The following ZNF384 variants were observed in gnomAD, a reference collection of about 807,000 sequenced individuals.
The protein encoded by ZNF384 is zinc finger protein 384.
A neutral mutation model predicts 65.0 loss-of-function variants in ZNF384; 20 were observed. The observed-to-expected ratio is 0.31, with a 90% CI of 0.22 to 0.45. ZNF384 has a LOEUF of 0.45. ZNF384 is among the 20% of genes least tolerant of loss of function. ZNF384 has a pLI of 1.00. For synonymous variants in ZNF384, 310 were observed against 303.9 expected, an observed-to-expected ratio of 1.02 and a Z score of -0.21; for missense variants, 549 against 769.4, an observed-to-expected ratio of 0.71 and a Z score of 3.39.
Position 6,672,618 on chromosome 12 carries a change from C to T in ZNF384, c.1005-86G>A. On this transcript the variant is annotated intron_variant, in intron 8 of 11. Transcript: ENST00000683879. This position sits in a 1 kb window ranked among gnomAD's most constrained non-coding sequence, Gnocchi z 4.4. ...CTCTCTGCTGGGTGAAATGACGTTGCTTGACGGATGAGAGCACCCCCTTCC... is the reference window on the plus strand; with the variant it reads ...CTCTCTGCTGGGTGAAATGACGTTGTTTGACGGATGAGAGCACCCCCTTCC... 2 of 1,384,688 alleles carry T rather than the reference C, an allele frequency of 1.4e-6. No homozygotes were observed. The highest frequency in any genetic ancestry group is 2.0e-6 in the Non-Finnish European group (2 of 1,005,088). The allele number at this position is 1,384,688 out of a possible 1,614,324, so 85.8% of individuals were successfully genotyped here.
At chr12:6,682,314 C>A (rs1272194690) in intron 2 of ZNF384, among the ~76,000 whole-genome samples, 1 of 143,830 alleles carries the variant, frequency 7.0e-6, no homozygotes, top group African/African-American at 2.6e-5. Flanking sequence ...AGCAAGACCC[C>A]AACTCCAAAA....
intron 10 of ZNF384, 133 bp downstream of exon 10, chr12:6,670,626 TA>T: frequency 1.3e-6 from 1 of 792,040 alleles, no homozygotes; most frequent in Non-Finnish European, 2.1e-6. Context: ...ATTACCCACA[TA>T]AACAAAAACT....
At chr12:6,669,262 G>A (rs1950589120) in intron 10 of ZNF384, 73 bp from the exon 11 acceptor site, 4 of 1,472,504 alleles carry the variant, frequency 2.7e-6, no homozygotes, top group Admixed American at 2.2e-5. Context: ...TCGATGGAAA[G>A]CAAAAAGGTA....
Position 6,672,260 on chromosome 12 carries a change from C to T in ZNF384, c.1187+90G>A. ...CCTCCAGCCAGGTCTCTCCCCCGCC[C>T]CCCGCATGCGGGTTGTTGTGTGTGT... On this transcript the variant is annotated intron_variant, in intron 9 of 11. Transcript: ENST00000683879. The surrounding 1 kb of genome is among the most constrained non-coding windows in gnomAD (Gnocchi z 4.4). 1 of 1,412,098 alleles carries T rather than the reference C, an allele frequency of 7.1e-7. No homozygotes were observed. 87.5% of individuals were successfully genotyped at this position (1,412,098 alleles called of 1,614,324 possible).
At chr12:6,674,863 AG>A (rs1952902262) in intron 7 of ZNF384, among the ~76,000 whole-genome samples, 1 of 152,252 alleles carries the variant, frequency 6.6e-6, no homozygotes, top group South Asian at 2.1e-4. Context: ...CTTAAGCCTT[AG>A]TGCTGATGGA....
Position 6,673,137 on chromosome 12 carries a change from G to T in ZNF384, c.1004+79C>A, listed in dbSNP as rs1952151476. On this transcript the variant is annotated intron_variant, in intron 8 of 11. Coordinates refer to ENST00000683879, the MANE Select transcript of ZNF384 (RefSeq NM_001385745.1). This position sits in a 1 kb window ranked among gnomAD's most constrained non-coding sequence, Gnocchi z 4.7. ...AGGTGAAAGGGAAAGAATAATACAT[G>T]TGGAGAGAGGAGTAGGTGCAGGCAA... 22 of 1,286,100 alleles carry T rather than the reference G, an allele frequency of 1.7e-5. 1 individual carries two copies. The South Asian group carries it at 2.7e-4, about 16-fold the overall frequency. 79.7% of individuals were successfully genotyped at this position (1,286,100 alleles called of 1,614,324 possible).
intron 2 of ZNF384, among the ~76,000 whole-genome samples, chr12:6,687,358 G>A (rs895724802): frequency 2.0e-5 from 3 of 152,098 alleles, no homozygotes; most frequent in African/African-American, 7.2e-5. Context: ...GGTTCTCCTT[G>A]CCCTGTCTGT....
chr12:6,688,988 A>G (rs1004266218), intron 1 of ZNF384, 110 bp downstream of exon 1: 5 of 152,024 alleles, frequency 3.3e-5, no homozygotes, highest in African/African-American at 1.2e-4. Context: ...CGGGACGGAC[A>G]CACACACAGT....
intron 7 of ZNF384, among the ~76,000 whole-genome samples, chr12:6,675,897 A>C (rs1011441163): frequency 3.3e-5 from 5 of 152,208 alleles, no homozygotes; most frequent in Admixed American, 2.6e-4. Flanking sequence ...CGTTGACTTG[A>C]CCAGAGTAAC....
intron 2 of ZNF384, 45 bp from the exon 3 acceptor site, chr12:6,679,570 GAAAA>G: frequency 6.6e-7 from 1 of 1,517,394 alleles, no homozygotes; most frequent in Non-Finnish European, 9.1e-7. Flanking sequence ...GAATTACTCA[GAAAA>G]AGCTAAGCAA....
intron 7 of ZNF384, among the ~76,000 whole-genome samples, chr12:6,674,584 T>C (rs1952775175): frequency 6.6e-6 from 1 of 152,180 alleles, no homozygotes; most frequent in Non-Finnish European, 1.5e-5. Flanking sequence ...ACCAGCTTAT[T>C]GATCCCTGGC....
At chr12:6,687,343 A>C (rs1354651637) in intron 2 of ZNF384, among the ~76,000 whole-genome samples, 1 of 152,172 alleles carries the variant, frequency 6.6e-6, no homozygotes, top group Non-Finnish European at 1.5e-5. Flanking sequence ...GAGGGACGGC[A>C]CGGTGGTTCT....
rs368629758 is a variant in ZNF384 at position 6,672,504 on chromosome 12, T to C, written c.1033A>G (p.Ile345Val). 39 of 1,613,810 alleles carry C rather than the reference T, an allele frequency of 2.4e-5. No individual in the cohort carries two copies. The highest frequency in any genetic ancestry group is 1.3e-4 in the African/African-American group (10 of 74,824). ...RIHSKMHTETIKPHKCPHCSK... is the reference protein window; with the variant it reads ...RIHSKMHTETVKPHKCPHCSK... ...CAGTGCGGGCACTTGTGGGGCTTGA[T>C]GGTCTCCGTGTGCATCTTGGAGTGG... Residue 345 changes from isoleucine to valine, a missense_variant, in exon 9 of 12, where the codon ATC becomes GTC. Ile to Val is a conservative substitution (Grantham distance 29). Coordinates refer to ENST00000683879, the MANE Select transcript of ZNF384 (RefSeq NM_001385745.1). This position sits in a 1 kb window ranked among gnomAD's most constrained non-coding sequence, Gnocchi z 4.4.
At position 6,673,375 on chromosome 12, in the gene ZNF384, G is replaced by T. The variant is rs189033097; in HGVS notation, c.845C>A (p.Thr282Asn). Reference protein sequence around the residue: ...SEMQIHSKSHTETKPHKCPHC... With the variant: ...SEMQIHSKSHNETKPHKCPHC... Reference sequence around the variant, plus strand: ...TGGGCACTTGTGGGGCTTGGTCTCGGTGTGTGACTTGGAGTGGATCTGCAT... The same window carrying T: ...TGGGCACTTGTGGGGCTTGGTCTCGTTGTGTGACTTGGAGTGGATCTGCAT... Residue 282 changes from threonine (T) to asparagine (N), a missense_variant, in exon 8 of 12, where the codon ACC becomes AAC. By Grantham distance (65) the Thr-to-Asn change is moderately conservative (BLOSUM62 0). Transcript: ENST00000683879. This position sits in a 1 kb window ranked among gnomAD's most constrained non-coding sequence, Gnocchi z 4.7. 1.2e-6 allele frequency: 2 copies of T among 1,614,126 alleles called. No homozygotes were observed. Among genetic ancestry groups the T allele is most frequent in the Non-Finnish European group, 1.7e-6 (2 of 1,180,020 alleles).
At chr12:6,674,338 A>G (rs982144543) in intron 7 of ZNF384, among the ~76,000 whole-genome samples, 3 of 152,214 alleles carry the variant, frequency 2.0e-5, no homozygotes, top group African/African-American at 7.2e-5. Flanking sequence ...GAGGCCTCTG[A>G]GCAAGTTAAG....
chr12:6,682,319 C>CCAAAA (rs55997836), intron 2 of ZNF384, among the ~76,000 whole-genome samples: 12,777 of 140,558 alleles, frequency 0.091, 646 homozygotes, highest in Middle Eastern at 0.17. Context: ...GACCCCAACT[C>CCAAAA]CAAAACAAAA....
chr12:6,670,057 G>A (rs7980637), intron 10 of ZNF384, among the ~76,000 whole-genome samples: 1 of 152,038 alleles, frequency 6.6e-6, no homozygotes, highest in Non-Finnish European at 1.5e-5. Context: ...CCCTTACAGA[G>A]GTTACATGAT....
chr12:6,684,341 T>C (rs1190690902), intron 2 of ZNF384, among the ~76,000 whole-genome samples: 4 of 143,626 alleles, frequency 2.8e-5, no homozygotes, highest in South Asian at 4.1e-4. Flanking sequence ...ATTTAGAATA[T>C]TTCCAGGAAT....
chr12:6,674,436 G>T (rs536528661), intron 7 of ZNF384, among the ~76,000 whole-genome samples: 5 of 152,208 alleles, frequency 3.3e-5, no homozygotes, highest in Non-Finnish European at 7.3e-5. Flanking sequence ...GGTAGAAAAG[G>T]CAATGGCCTG....
Sources: allele counts gnomAD v4.1 joint callset (sites outside exome capture counted in the v4.1 genomes callset), GRCh38; gene constraint gnomAD v4.1.1; non-coding constraint Gnocchi (gnomAD v3.1); transcripts MANE v1.5; gene names NCBI Gene and HGNC (gene_info 2026-07-23, HGNC 2026-07-21).